The following ZNF385B variants were observed in gnomAD, a reference collection of about 807,000 sequenced individuals.
ZNF385B encodes zinc finger protein 533.
In ZNF385B, 23 loss-of-function variants were observed where a neutral mutation model predicts 39.2. The ratio of observed to expected loss-of-function variants is 0.59; its 90% CI spans 0.42 to 0.83. The LOEUF (loss-of-function observed/expected upper bound fraction) is 0.83, where lower values mean the gene tolerates loss of function less well. Ranked by LOEUF, ZNF385B falls within the 40% of genes least tolerant of loss-of-function variation. The probability of loss-of-function intolerance (pLI) is 0.00; values close to 1 mark genes in which losing one functional copy is unlikely to be tolerated. For synonymous variants in ZNF385B, 205 were observed against 222.6 expected (o/e 0.92, Z 0.70); for missense variants, 552 against 598.9 (o/e 0.92, Z 0.82).
At chr2:179,591,345 T>C (rs1041993958) in intron 3 of ZNF385B, among the ~76,000 whole-genome samples, 2 of 152,138 alleles carry the variant, frequency 1.3e-5, no homozygotes, top group African/African-American at 4.8e-5. Context: ...TATTAGAACA[T>C]GTCTTACTTT....
At chr2:179,651,748 C>A (rs2106248398) in intron 3 of ZNF385B, among the ~76,000 whole-genome samples, 1 of 152,186 alleles carries the variant, frequency 6.6e-6, no homozygotes, top group Admixed American at 6.5e-5. Flanking sequence ...CTTGCAGAGA[C>A]CTCCTTGGTG....
At chr2:179,829,658 C>T (rs1016961574) in intron 1 of ZNF385B, among the ~76,000 whole-genome samples, 10 of 152,168 alleles carry the variant, frequency 6.6e-5, no homozygotes, top group South Asian at 4.2e-4. Flanking sequence ...GGACTACAGG[C>T]GCCCGCCACC....
At chr2:179,852,134 C>A (rs941629838) in intron 1 of ZNF385B, among the ~76,000 whole-genome samples, 156 of 152,304 alleles carry the variant, frequency 1.0e-3, no homozygotes, top group African/African-American at 3.6e-3. Flanking sequence ...CACATCTGTA[C>A]ATTTGGCACA....
rs2060389473 is a variant in ZNF385B at position 179,548,796 on chromosome 2, T to C, written c.299-3827A>G. ...GGAAAAACCTGCCCCCATGATTCAA[T>C]TACCTCCCACCAGGTCTCTTCCATG... is the stretch of plus-strand genomic sequence containing the variant. On this transcript the variant is annotated intron_variant, in intron 3 of 9. Transcript: ENST00000410066. Among the ~76,000 whole-genome samples the C allele has an allele frequency of 1.3e-5, 2 of 149,224 alleles. 1 individual carries two copies. The highest frequency in any genetic ancestry group is 3.0e-5 in the Non-Finnish European group (2 of 67,600).
At chr2:179,833,188 T>C (rs1342289833) in intron 1 of ZNF385B, among the ~76,000 whole-genome samples, 1 of 152,164 alleles carries the variant, frequency 6.6e-6, no homozygotes, top group Non-Finnish European at 1.5e-5. Context: ...CAATTGAATA[T>C]TTGACCAGAT....
At chr2:179,714,234 A>T (rs1357715593) in intron 3 of ZNF385B, among the ~76,000 whole-genome samples, 2 of 152,258 alleles carry the variant, frequency 1.3e-5, no homozygotes, top group Non-Finnish European at 2.9e-5. Context: ...ACCAGAGTTA[A>T]TATTTATTGA....
At chr2:179,803,369 G>A (rs1385424231) in intron 1 of ZNF385B, among the ~76,000 whole-genome samples, 1 of 152,108 alleles carries the variant, frequency 6.6e-6, no homozygotes, top group African/African-American at 2.4e-5. Context: ...TGCCACCCAT[G>A]GGAAGCAATA....
At chr2:179,564,057 G>A (rs964355440) in intron 3 of ZNF385B, among the ~76,000 whole-genome samples, 3 of 152,144 alleles carry the variant, frequency 2.0e-5, no homozygotes, top group African/African-American at 7.2e-5. Flanking sequence ...AGTACACAAA[G>A]TGTGGTCCTC....
chr2:179,616,085 T>C (rs554146603), intron 3 of ZNF385B, among the ~76,000 whole-genome samples: 5 of 152,228 alleles, frequency 3.3e-5, no homozygotes, highest in African/African-American at 1.2e-4. Context: ...TGGAGTAGGA[T>C]TGTCTGGTTC....
intron 3 of ZNF385B, among the ~76,000 whole-genome samples, chr2:179,659,884 T>C (rs968898612): frequency 1.3e-5 from 2 of 152,210 alleles, no homozygotes; most frequent in Non-Finnish European, 2.9e-5. Context: ...TTAACTTATA[T>C]ACACATTTCC....
intron 6 of ZNF385B, among the ~76,000 whole-genome samples, chr2:179,479,616 G>C (rs914951519): frequency 6.6e-6 from 1 of 152,076 alleles, no homozygotes; most frequent in African/African-American, 2.4e-5. Flanking sequence ...GTGGCAGGCG[G>C]ATCACTTGAG....
intron 3 of ZNF385B, among the ~76,000 whole-genome samples, chr2:179,726,071 C>G (rs1432977595): frequency 2.0e-5 from 3 of 152,048 alleles, no homozygotes; most frequent in Non-Finnish European, 4.4e-5. Flanking sequence ...GTAGCTCCTA[C>G]TTTTGCATTC....
chr2:179,670,372 G>A (rs77034307), intron 3 of ZNF385B, among the ~76,000 whole-genome samples: 9,446 of 151,658 alleles, frequency 0.062, 336 homozygotes, highest in Middle Eastern at 0.082. Context: ...ATTATTGAGT[G>A]TGGAATTGGG....
chr2:179,824,878 T>A (rs1254447843), intron 1 of ZNF385B, among the ~76,000 whole-genome samples: 15 of 142,510 alleles, frequency 1.1e-4, no homozygotes, highest in Non-Finnish European at 2.0e-4. Context: ...TAGTCTGATT[T>A]AAAAAAAAAA....
intron 1 of ZNF385B, among the ~76,000 whole-genome samples, chr2:179,846,466 C>T (rs1456890319): frequency 6.6e-6 from 1 of 152,150 alleles, no homozygotes; most frequent in Non-Finnish European, 1.5e-5. Flanking sequence ...AATTCCGTAT[C>T]CTGCTTATCT....
At chr2:179,636,536 C>G (rs138650331) in intron 3 of ZNF385B, among the ~76,000 whole-genome samples, 212 of 152,244 alleles carry the variant, frequency 1.4e-3, no homozygotes, top group African/African-American at 5.0e-3. Context: ...GGTTAAAATC[C>G]CTCACTTTAG....
intron 3 of ZNF385B, among the ~76,000 whole-genome samples, chr2:179,636,850 T>G (rs1575054789): frequency 6.6e-6 from 1 of 152,198 alleles, no homozygotes; most frequent in East Asian, 1.9e-4. Flanking sequence ...TTACACTGTT[T>G]GTGGAATAAA....
chr2:179,711,490 G>A (rs1057295780), intron 3 of ZNF385B, among the ~76,000 whole-genome samples: 17 of 152,214 alleles, frequency 1.1e-4, no homozygotes, highest in Non-Finnish European at 2.1e-4. Flanking sequence ...TACGGCAGAT[G>A]TACCTGATAG....
chr2:179,646,232 T>C lies in ZNF385B; in HGVS notation c.299-101263A>G, dbSNP rs111800324. On this transcript the variant is annotated intron_variant, in intron 3 of 9. Transcript: ENST00000410066. ...TAGTTCAAGACCAGCCTGGCCAACA[T>C]GGTGAAAGCCCATCTCTACTAAAAG... Among the ~76,000 whole-genome samples the C allele has an allele frequency of 9.9e-4, 150 of 152,262 alleles. 1 individual carries two copies. The highest frequency in any genetic ancestry group is 3.4e-3 in the African/African-American group (141 of 41,558).
Sources: gnomAD v4.1 joint callset for allele counts (sites outside exome capture counted in the v4.1 genomes callset) on GRCh38, gnomAD v4.1.1 for gene constraint, MANE v1.5 for transcripts, NCBI Gene and HGNC (gene_info 2026-07-23, HGNC 2026-07-21) for gene names.